Variants in CEP83 observed in about 807,000 individuals in gnomAD.
The protein encoded by CEP83 is centrosomal protein of 83 kDa.
Under a neutral mutation model 101.9 loss-of-function variants are expected in CEP83, and 70 were observed. The observed-to-expected ratio is 0.69, with a 90% CI of 0.57 to 0.84. The LOEUF is 0.84. Among genes scored for constraint, CEP83 ranks in the 40% least tolerant of loss-of-function variants. The pLI is 0.00. For synonymous variants in CEP83, 264 were observed against 267.9 expected (o/e 0.99, Z 0.14); for missense variants, 715 against 787.2 (o/e 0.91, Z 1.10).
At chr12:94,301,743 G>A (rs545606114), downstream of CEP83, among the ~76,000 whole-genome samples, 6 of 152,174 alleles carry the variant, frequency 3.9e-5, no homozygotes, top group Non-Finnish European at 8.8e-5. Context: ...TTCCACAGGT[G>A]CCTCAGACTC....
intron 1 of CEP83, among the ~76,000 whole-genome samples, chr12:94,457,139 G>A (rs1594199176): frequency 6.6e-6 from 1 of 152,116 alleles, no homozygotes; most frequent in Non-Finnish European, 1.5e-5. Flanking sequence ...TACAGAGCAG[G>A]TTTAGGGGAT....
chr12:94,349,944 AAGG>A (rs1473833497), intron 11 of CEP83, among the ~76,000 whole-genome samples: 1 of 152,212 alleles, frequency 6.6e-6, no homozygotes, highest in Non-Finnish European at 1.5e-5. Context: ...TAACTGAACC[AAGG>A]AGGTGAAATA....
chr12:94,284,014 C>T, the CEP83 span, among the ~76,000 whole-genome samples: 1 of 142,192 alleles, frequency 7.0e-6, no homozygotes, highest in Non-Finnish European at 1.5e-5. Flanking sequence ...ACCCGGGAGG[C>T]GGAGGTTGCA....
At chr12:94,339,376 C>A (rs758951851) in intron 11 of CEP83, among the ~76,000 whole-genome samples, 1 of 152,186 alleles carries the variant, frequency 6.6e-6, no homozygotes, top group Non-Finnish European at 1.5e-5. Context: ...ATAGAACTTT[C>A]TTTGATGGTG....
intron 14 of CEP83, among the ~76,000 whole-genome samples, chr12:94,328,522 T>C (rs2059069420): frequency 1.3e-5 from 2 of 152,222 alleles, no homozygotes; most frequent in South Asian, 2.1e-4. Flanking sequence ...TTTGTGACTT[T>C]TGTTACATCT....
At chr12:94,383,454 C>T (rs753831291) in intron 6 of CEP83, among the ~76,000 whole-genome samples, 1 of 151,966 alleles carries the variant, frequency 6.6e-6, no homozygotes, top group Non-Finnish European at 1.5e-5. Flanking sequence ...TCAGTAGAAA[C>T]CATATGTCAT....
chr12:94,348,193 A>G (rs1422778359), intron 11 of CEP83, among the ~76,000 whole-genome samples: 1 of 152,018 alleles, frequency 6.6e-6, no homozygotes, highest in Non-Finnish European at 1.5e-5. Flanking sequence ...AAAATAACAA[A>G]GGGGAAATAA....
chr12:94,378,395 G>A (rs1230164909), intron 7 of CEP83, among the ~76,000 whole-genome samples: 1 of 152,128 alleles, frequency 6.6e-6, no homozygotes, highest in African/African-American at 2.4e-5. Flanking sequence ...GTTCAAACAG[G>A]ATTTGTGACT....
the CEP83 span, among the ~76,000 whole-genome samples, chr12:94,266,075 T>G: frequency 6.6e-6 from 1 of 152,212 alleles, no homozygotes; most frequent in Admixed American, 6.5e-5. Context: ...GAGGAAAAGA[T>G]TACAGTGGGG....
intron 11 of CEP83, among the ~76,000 whole-genome samples, chr12:94,337,752 G>C (rs752588230): frequency 3.9e-5 from 6 of 152,120 alleles, no homozygotes; most frequent in Non-Finnish European, 5.9e-5. Context: ...GTCCGAGATA[G>C]AGAAATTAAA....
intron 11 of CEP83, among the ~76,000 whole-genome samples, chr12:94,366,384 T>C (rs1379091376): frequency 6.6e-6 from 1 of 152,138 alleles, no homozygotes; most frequent in Non-Finnish European, 1.5e-5. Flanking sequence ...TAAAAACAAC[T>C]ATACACAAAT....
At chr12:94,369,727 AT>A (rs1381799507) in intron 9 of CEP83, 194 bp downstream of exon 9, 8 of 412,926 alleles carry the variant, frequency 1.9e-5, no homozygotes, top group Non-Finnish European at 2.1e-5. Flanking sequence ...CATAAGACTG[AT>A]TTTTTTAAAG....
At chr12:94,421,913 A>G (rs2064783251) in intron 2 of CEP83, among the ~76,000 whole-genome samples, 1 of 152,240 alleles carries the variant, frequency 6.6e-6, no homozygotes, top group Non-Finnish European at 1.5e-5. Context: ...CTTAGAAGCA[A>G]AATTTACTCA....
the CEP83 span, among the ~76,000 whole-genome samples, chr12:94,273,415 CTAAT>C: frequency 6.6e-6 from 1 of 152,058 alleles, no homozygotes; most frequent in Non-Finnish European, 1.5e-5. Context: ...GCTCACCAGT[CTAAT>C]TAGAGACTGG....
intron 14 of CEP83, among the ~76,000 whole-genome samples, chr12:94,317,512 G>A (rs911483772): frequency 1.3e-5 from 2 of 152,098 alleles, no homozygotes; most frequent in African/African-American, 2.4e-5. Context: ...GAATGGTATT[G>A]CCTAGGTTGT....
chr12:94,272,128 T>C, the CEP83 span: 2 of 152,168 alleles, frequency 1.3e-5, no homozygotes, highest in Non-Finnish European at 2.9e-5. Context: ...TCCAATAGTC[T>C]TTTCTTTCTC....
Position 94,331,806 on chromosome 12 carries a change from T to G in CEP83, c.1601A>C (p.Gln534Pro). The G allele has an allele frequency of 4.3e-6, 7 of 1,612,844 alleles. No individual in the cohort carries two copies. The highest frequency in any genetic ancestry group is 5.1e-6 in the Non-Finnish European group (6 of 1,178,778). Residue 534 changes from glutamine (Q) to proline (P), a missense_variant, in exon 14 of 17, where the codon CAG becomes CCG. By Grantham distance (76) the Gln-to-Pro change is moderately conservative. Transcript: ENST00000397809. The part of the protein sequence containing the change: ...AEKTLEEKQI[Q>P]WLEEKHKLHE... Reference sequence around the variant, plus strand: ...AAGCTTATGCTTTTCTTCCAACCACTGTATCTGTTTCTCTTCCAATGTCCT... The same window carrying G: ...AAGCTTATGCTTTTCTTCCAACCACGGTATCTGTTTCTCTTCCAATGTCCT...
At chr12:94,392,112 C>T (rs1430943938) in intron 6 of CEP83, among the ~76,000 whole-genome samples, 2 of 152,256 alleles carry the variant, frequency 1.3e-5, no homozygotes, top group African/African-American at 4.8e-5. Context: ...ATATACAGGA[C>T]TTGAACTCAG....
chr12:94,290,964 T>C, the CEP83 span, among the ~76,000 whole-genome samples: 1 of 152,202 alleles, frequency 6.6e-6, no homozygotes, highest in Non-Finnish European at 1.5e-5. Flanking sequence ...ATTTTGTGAA[T>C]GAGCCCCTCC....
Sources: allele counts gnomAD v4.1 joint callset (sites outside exome capture counted in the v4.1 genomes callset), GRCh38; gene constraint gnomAD v4.1.1; transcripts MANE v1.5; gene names NCBI Gene and HGNC (gene_info 2026-07-23, HGNC 2026-07-21).